DHX8: variants seen among roughly 807,000 people sequenced by gnomAD.
DHX8 encodes DEAH-box helicase 8, also known as ATP-dependent RNA helicase DHX8.
In DHX8, 67 loss-of-function variants were observed where a neutral mutation model predicts 140.7. That is an observed-to-expected ratio of 0.48 (90% CI 0.39 to 0.58). The LOEUF is 0.58. DHX8 is among the 20% of genes least tolerant of loss of function. DHX8 has a pLI of 0.00. For missense variants in DHX8, 887 were observed against 1,550.7 expected (o/e 0.57, Z 7.19); for synonymous variants, 533 against 553.2 (o/e 0.96, Z 0.51).
At chr17:43,533,751 C>T in intron 2 of DHX8, 3 of 1,411,016 alleles carry the variant, frequency 2.1e-6, no homozygotes, top group Non-Finnish European at 2.9e-6. Context: ...AAAATCCTTT[C>T]TGTTGTCTAA....
chr17:43,531,960 G>A (rs1970959633), intron 2 of DHX8, among the ~76,000 whole-genome samples: 2 of 152,158 alleles, frequency 1.3e-5, no homozygotes, highest in South Asian at 4.1e-4. Context: ...AGAAATAAAT[G>A]CCTTAACTTC....
At chr17:43,516,291 GT>G (rs1009519469) in intron 17 of DHX8, among the ~76,000 whole-genome samples, 3 of 151,864 alleles carry the variant, frequency 2.0e-5, no homozygotes, top group African/African-American at 7.3e-5. Flanking sequence ...ACATTTTAGG[GT>G]TTTTTTCGCC....
downstream of DHX8, chr17:43,529,732 AC>A (rs1024661934): frequency 3.1e-6 from 5 of 1,589,410 alleles, no homozygotes; most frequent in South Asian, 5.7e-5. Context: ...CCCCCAAGCA[AC>A]CGCCTCCCAC....
intron 22 of DHX8, among the ~76,000 whole-genome samples, chr17:43,523,160 C>T (rs1013997115): frequency 1.3e-5 from 2 of 151,410 alleles, no homozygotes; most frequent in Admixed American, 6.6e-5. Flanking sequence ...AAATTGGACT[C>T]TATCTAGAAC....
intron 11 of DHX8, among the ~76,000 whole-genome samples, chr17:43,501,520 G>C (rs1031510050): frequency 1.3e-5 from 2 of 152,110 alleles, no homozygotes; most frequent in African/African-American, 4.8e-5. Flanking sequence ...TTTTGCTCTT[G>C]TTGCCTAGGC....
downstream of DHX8, among the ~76,000 whole-genome samples, chr17:43,531,333 G>A (rs1216239762): frequency 2.0e-5 from 3 of 152,166 alleles, no homozygotes; most frequent in African/African-American, 7.2e-5. Flanking sequence ...CGGCCCTTGA[G>A]GCTTTGAACT....
At chr17:43,526,298 A>G (rs1970613818), downstream of DHX8, 1 of 1,394,618 alleles carries the variant, frequency 7.2e-7, no homozygotes, top group African/African-American at 1.4e-5. Context: ...CCATTAAAGT[A>G]TATTGTTCAC....
In DHX8 at chr17:43,524,225, C is replaced by G; in HGVS notation, c.*378C>G. ...GCCCCAGCTAGCAGGAGCTACTGTG[C>G]TCATCTAAAGTGTTTGCCCCACTTC... On this transcript the variant is annotated 3_prime_UTR_variant, in exon 23 of 23. Transcript: ENST00000262415. The G allele has an allele frequency of 9.1e-7, 1 of 1,104,230 alleles. No homozygotes were observed. The highest frequency in any genetic ancestry group is 1.1e-6 in the Non-Finnish European group (1 of 900,798). The allele number at this position is 1,104,230 out of a possible 1,614,324, so 68.4% of individuals were successfully genotyped here. A position where few individuals can be genotyped will look rare whatever the true frequency, so the allele number is the denominator to read the frequency against.
chr17:43,529,171 C>T (rs755693025), downstream of DHX8: 10 of 1,613,878 alleles, frequency 6.2e-6, no homozygotes, highest in Middle Eastern at 1.6e-4. Context: ...AGTATCGGAG[C>T]GAGCGGCTCA....
At position 43,520,153 on chromosome 17, in the gene DHX8, G is replaced by A. The variant is rs1356208096; in HGVS notation, c.2823G>A (p.Leu941=). The A allele has an allele frequency of 5.6e-6, 9 of 1,614,016 alleles. No individual in the cohort carries two copies. Among genetic ancestry groups the A allele is most frequent in the Non-Finnish European group, 6.8e-6 (8 of 1,180,010 alleles). ...SLKAMGINDL[L]SFDFMDAPPM... ...AGGCCATGGGTATCAATGATCTGCTGTCCTTTGATTTCATGGATGCCCCAC... is the reference window on the plus strand; with the variant it reads ...AGGCCATGGGTATCAATGATCTGCTATCCTTTGATTTCATGGATGCCCCAC... Residue 941 remains leucine, a synonymous_variant, in exon 19 of 23, where the codon CTG becomes CTA. Coordinates refer to ENST00000262415, the MANE Select transcript of DHX8 (RefSeq NM_004941.3).
chr17:43,534,710 C>A (rs112341138), intron 2 of DHX8, among the ~76,000 whole-genome samples: 2,108 of 152,164 alleles, frequency 0.014, 40 homozygotes, highest in African/African-American at 0.048. Flanking sequence ...GAGGCCGAGG[C>A]GGGCGGATCA....
intron 1 of DHX8, among the ~76,000 whole-genome samples, chr17:43,484,705 G>A (rs1047724446): frequency 6.6e-6 from 1 of 152,134 alleles, no homozygotes; most frequent in African/African-American, 2.4e-5. Context: ...GCAGTGGCAC[G>A]ATCTCGGCTC....
chr17:43,506,955 A>G (rs1969529840), intron 12 of DHX8, 48 bp from the exon 13 acceptor site: 3 of 1,413,528 alleles, frequency 2.1e-6, no homozygotes, highest in Non-Finnish European at 1.9e-6. Flanking sequence ...GACCATATTT[A>G]TATTCTGGCA....
intron 8 of DHX8, 61 bp downstream of exon 8, chr17:43,493,947 G>T: frequency 1.9e-6 from 3 of 1,573,222 alleles, no homozygotes; most frequent in Non-Finnish European, 2.6e-6. Flanking sequence ...GTGCTTAGGG[G>T]TGTGCCCTGG....
chr17:43,492,426 T>G (rs1393154062), intron 5 of DHX8, 134 bp downstream of exon 5: 1 of 689,658 alleles, frequency 1.4e-6, no homozygotes. Context: ...GGATCTGTTT[T>G]CATTGCTTCC....
In DHX8 at chr17:43,498,455, C is replaced by CT. The variant is rs576177817; in HGVS notation, c.1301-395dup. Among the ~76,000 whole-genome samples the CT allele has an allele frequency of 2.0e-3, 271 of 134,764 alleles. 1 individual carries two copies. Among genetic ancestry groups the CT allele is most frequent in the South Asian group, 0.018 (70 of 3,994 alleles). The allele number at this position is 134,764 out of a possible 152,430, so 88.4% of individuals were successfully genotyped here. Reference sequence around the variant, plus strand: ...AGCCACTGCACCCGGCCTTTTTTTTCTTTTTTTTTTTTAAGACAGAGTCTC... The same window carrying CT: ...AGCCACTGCACCCGGCCTTTTTTTTCTTTTTTTTTTTTTAAGACAGAGTCTC... On this transcript the variant is annotated intron_variant, in intron 9 of 22. Transcript: ENST00000262415.
At position 43,496,314 on chromosome 17, in the gene DHX8, A is replaced by G. The variant is rs376413592; in HGVS notation, c.1300+46A>G. 3 of 1,401,954 alleles carry G rather than the reference A, an allele frequency of 2.1e-6. No individual in the cohort carries two copies. In the African/African-American group the frequency reaches 4.3e-5, roughly 20 times the overall value. 86.8% of individuals were successfully genotyped at this position (1,401,954 alleles called of 1,614,324 possible). A position where few individuals can be genotyped will look rare whatever the true frequency, so the allele number is the denominator to read the frequency against. On this transcript the variant is annotated intron_variant, in intron 9 of 22. Coordinates refer to ENST00000262415, the MANE Select transcript of DHX8 (RefSeq NM_004941.3). Reference sequence around the variant, plus strand: ...AGAAGGGTAATTGGCAAGTTGAGCCATTGAATTGGGTGATTTGCCTGTAGT... The same window carrying G: ...AGAAGGGTAATTGGCAAGTTGAGCCGTTGAATTGGGTGATTTGCCTGTAGT...
At chr17:43,507,409 A>G (rs897607207) in intron 13 of DHX8, 94 bp from the exon 14 acceptor site, 7 of 1,255,310 alleles carry the variant, frequency 5.6e-6, no homozygotes, top group Non-Finnish European at 7.8e-6. Context: ...GATTCTTAAG[A>G]TTATGAGTGA....
chr17:43,489,601 T>TTTG lies in DHX8; in HGVS notation c.234+69_234+70insGTT, dbSNP rs1968380769. ...TTAATTTATGTTTGTTTGTTTGTTT[T>TTTG]TTTTTTTGAGACAGAGTTTTGCTCT... is the stretch of plus-strand genomic sequence containing the variant. On this transcript the variant is annotated intron_variant, in intron 2 of 22. Transcript: ENST00000262415. 3.0e-5 allele frequency: 37 copies of TTTG among 1,252,234 alleles called. No individual in the cohort carries two copies. In the South Asian group the frequency reaches 3.9e-4, roughly 13 times the overall value. The allele number at this position is 1,252,234 out of a possible 1,614,324, so 77.6% of individuals were successfully genotyped here.
Sources: allele counts gnomAD v4.1 joint callset (sites outside exome capture counted in the v4.1 genomes callset), GRCh38; gene constraint gnomAD v4.1.1; transcripts MANE v1.5; gene names NCBI Gene and HGNC (gene_info 2026-07-23, HGNC 2026-07-21).